VWC2L: variants seen among roughly 807,000 people sequenced by gnomAD.
VWC2L encodes von Willebrand factor C domain-containing protein 2-like.
In VWC2L, 10 loss-of-function variants were observed where a neutral mutation model predicts 21.6. That is an observed-to-expected ratio of 0.46 (90% CI 0.29 to 0.78). The LOEUF (loss-of-function observed/expected upper bound fraction) is 0.78, where lower values mean the gene tolerates loss of function less well. Among genes scored for constraint, VWC2L ranks in the 30% least tolerant of loss-of-function variants. The probability of loss-of-function intolerance (pLI) is 0.10; values close to 1 mark genes in which losing one functional copy is unlikely to be tolerated. For missense variants in VWC2L, 209 were observed against 277.1 expected (o/e 0.75, Z 1.74); for synonymous variants, 96 against 94.3 (o/e 1.02, Z -0.10).
At chr2:214,569,320 G>C (rs1384458372) in intron 3 of VWC2L, among the ~76,000 whole-genome samples, 1 of 151,756 alleles carries the variant, frequency 6.6e-6, no homozygotes, top group East Asian at 1.9e-4. Context: ...GTATTTCATG[G>C]TAACACACAC....
intron 2 of VWC2L, among the ~76,000 whole-genome samples, chr2:214,428,790 A>G (rs1455770616): frequency 1.3e-5 from 2 of 150,758 alleles, no homozygotes; most frequent in Non-Finnish European, 2.9e-5. Flanking sequence ...CAATTTTTAG[A>G]AAATCTTTGC....
chr2:214,577,317 T>C lies in VWC2L; in HGVS notation c.*1497T>C, dbSNP rs1425087002. On this transcript the variant is annotated 3_prime_UTR_variant, in exon 4 of 4. Coordinates refer to ENST00000312504, the MANE Select transcript of VWC2L (RefSeq NM_001080500.4). ...GCAAGGTGTCTCAATCTTAGTAGGA[T>C]TGACATTTGGGGCCAGATCATTATT... The C allele has an allele frequency of 6.6e-6, 1 of 152,268 alleles. No individual in the cohort carries two copies. The allele number at this position is 152,268 out of a possible 1,614,324, so 9.4% of individuals were successfully genotyped here.
chr2:214,463,073 A>T (rs1239342344), intron 3 of VWC2L, among the ~76,000 whole-genome samples: 1 of 152,198 alleles, frequency 6.6e-6, no homozygotes, highest in Non-Finnish European at 1.5e-5. Flanking sequence ...TCACATCCTG[A>T]AAAGAACATG....
intron 3 of VWC2L, among the ~76,000 whole-genome samples, chr2:214,573,181 A>T (rs1180129241): frequency 6.6e-6 from 1 of 152,048 alleles, no homozygotes; most frequent in African/African-American, 2.4e-5. Context: ...TGTTTCTCTT[A>T]TTGTGCCACT....
intron 3 of VWC2L, among the ~76,000 whole-genome samples, chr2:214,559,791 A>G (rs1276984463): frequency 1.3e-5 from 2 of 152,104 alleles, no homozygotes; most frequent in East Asian, 3.9e-4. Flanking sequence ...TTGTAGAGAC[A>G]AGGTCTAGTA....
At chr2:214,506,694 A>G (rs1574603833) in intron 3 of VWC2L, among the ~76,000 whole-genome samples, 1 of 67,900 alleles carries the variant, frequency 1.5e-5, no homozygotes, top group South Asian at 7.1e-4. Flanking sequence ...ATTATAATAA[A>G]TTCGTAATAT....
intron 3 of VWC2L, among the ~76,000 whole-genome samples, chr2:214,507,171 A>G (rs960980636): frequency 2.6e-5 from 4 of 152,188 alleles, no homozygotes; most frequent in Non-Finnish European, 1.5e-5. Flanking sequence ...AGAATATTTA[A>G]CATGTGTATC....
intron 3 of VWC2L, among the ~76,000 whole-genome samples, chr2:214,573,802 C>T (rs1206020923): frequency 6.6e-6 from 1 of 152,078 alleles, no homozygotes; most frequent in Admixed American, 6.5e-5. Flanking sequence ...ATATTGTAGC[C>T]CTTAAATAAT....
chr2:214,429,634 T>C lies in VWC2L; in HGVS notation c.391-6995T>C, dbSNP rs189690796. ...ATATTTTTTAAAATTTACATTTATA[T>C]GTTTTCTTCATATTTTGGAAAAAGC... On this transcript the variant is annotated intron_variant, in intron 2 of 3. Coordinates refer to ENST00000312504, the MANE Select transcript of VWC2L (RefSeq NM_001080500.4). 2.0e-4 allele frequency among the ~76,000 whole-genome samples: 31 copies of C among 152,222 alleles called. No individual in the cohort carries two copies. The East Asian group carries it at 5.2e-3, about 26-fold the overall frequency.
chr2:214,572,227 T>C (rs1690160077), intron 3 of VWC2L, among the ~76,000 whole-genome samples: 1 of 152,228 alleles, frequency 6.6e-6, no homozygotes, highest in Admixed American at 6.5e-5. Flanking sequence ...CTCCATTTTC[T>C]CTTATTCTAG....
At chr2:214,436,845 C>T in intron 3 of VWC2L, 87 bp downstream of exon 3, 2 of 1,484,222 alleles carry the variant, frequency 1.3e-6, no homozygotes, top group Non-Finnish European at 1.8e-6. Flanking sequence ...TGCAAGACCC[C>T]TCTAAGATCT....
intron 3 of VWC2L, among the ~76,000 whole-genome samples, chr2:214,462,768 C>T (rs1400020253): frequency 6.6e-6 from 1 of 152,046 alleles, no homozygotes. Context: ...TTTTCTAATA[C>T]CGTAAGCTTT....
chr2:214,413,829 C>G (rs995230785), intron 1 of VWC2L, among the ~76,000 whole-genome samples: 13 of 152,156 alleles, frequency 8.5e-5, no homozygotes, highest in African/African-American at 3.1e-4. Flanking sequence ...TCAGTAAAAC[C>G]ATTTCTTTGC....
intron 3 of VWC2L, among the ~76,000 whole-genome samples, chr2:214,524,084 T>G (rs1689288622): frequency 6.6e-6 from 1 of 152,154 alleles, no homozygotes; most frequent in Non-Finnish European, 1.5e-5. Context: ...AAAGAAAAAT[T>G]TTAAATACAT....
chr2:214,551,691 T>C (rs1351219787), intron 3 of VWC2L, among the ~76,000 whole-genome samples: 1 of 152,224 alleles, frequency 6.6e-6, no homozygotes, highest in Admixed American at 6.5e-5. Flanking sequence ...TTCTTGATGA[T>C]TCCCACTTGC....
intron 2 of VWC2L, among the ~76,000 whole-genome samples, chr2:214,435,210 G>A (rs1339354695): frequency 2.0e-5 from 3 of 152,128 alleles, no homozygotes; most frequent in African/African-American, 7.2e-5. Flanking sequence ...TTAATTTGCT[G>A]AGATTATTTA....
chr2:214,461,756 C>T (rs1418329945), intron 3 of VWC2L, among the ~76,000 whole-genome samples: 1 of 152,122 alleles, frequency 6.6e-6, no homozygotes, highest in East Asian at 1.9e-4. Flanking sequence ...TCCCCAGGTT[C>T]CCTAACAGCA....
At chr2:214,441,914 AC>A (rs1051015574) in intron 3 of VWC2L, among the ~76,000 whole-genome samples, 4 of 150,560 alleles carry the variant, frequency 2.7e-5, no homozygotes, top group Non-Finnish European at 4.4e-5. Context: ...TAAATAAGAT[AC>A]CTTTTTTTTT....
chr2:214,478,378 C>T (rs542199003), intron 3 of VWC2L, among the ~76,000 whole-genome samples: 1 of 151,896 alleles, frequency 6.6e-6, no homozygotes, highest in East Asian at 1.9e-4. Context: ...ACTCAGGAGG[C>T]TGAGGCAGGA....
Sources: allele counts gnomAD v4.1 joint callset (sites outside exome capture counted in the v4.1 genomes callset), GRCh38; gene constraint gnomAD v4.1.1; transcripts MANE v1.5; gene names NCBI Gene and HGNC (gene_info 2026-07-23, HGNC 2026-07-21).